Variants in PNPLA3 observed in about 807,000 individuals in gnomAD.
The protein encoded by PNPLA3 is 1-acylglycerol-3-phosphate O-acyltransferase PNPLA3.
In PNPLA3, 42 loss-of-function variants were observed where a neutral mutation model predicts 43.1. The observed-to-expected ratio is 0.97, with a 90% CI of 0.76 to 1.26. The LOEUF (loss-of-function observed/expected upper bound fraction) is 1.26, where lower values mean the gene tolerates loss of function less well. Among genes scored for constraint, PNPLA3 ranks in the 50% most tolerant of loss-of-function variants. The probability of loss-of-function intolerance (pLI) is 0.00; values close to 1 mark genes in which losing one functional copy is unlikely to be tolerated. For synonymous variants in PNPLA3, 272 were observed against 253.6 expected, an observed-to-expected ratio of 1.07 and a Z score of -0.69; for missense variants, 647 against 621.4, an observed-to-expected ratio of 1.04 and a Z score of -0.44.
chr22:43,944,784 C>T lies in PNPLA3; in HGVS notation c.1206C>T (p.Leu402=), dbSNP rs754844289. The part of the protein sequence containing the change: ...QVFTRVLMCL[L]PASRSQMPVS... ...TCACTCGAGTGCTGATGTGTCTGCT[C>T]CCCGCCTCCAGGTAAATACTTTGGC... Residue 402 remains leucine, a synonymous_variant, in exon 8 of 9, where the codon CTC becomes CTT. Transcript: ENST00000216180. 1.4e-5 allele frequency: 23 copies of T among 1,613,996 alleles called. No individual in the cohort carries two copies. Among genetic ancestry groups the T allele is most frequent in the East Asian group, 1.1e-4 (5 of 44,898 alleles).
intron 6 of PNPLA3, among the ~76,000 whole-genome samples, chr22:43,938,902 C>T (rs905469057): frequency 9.2e-5 from 14 of 152,132 alleles, no homozygotes; most frequent in Non-Finnish European, 1.6e-4. Flanking sequence ...GATGCTGTGA[C>T]GTTTGATGTA....
chr22:43,930,116 G>C lies in PNPLA3; in HGVS notation c.486+1227G>C, dbSNP rs12483959. On this transcript the variant is annotated intron_variant, in intron 3 of 8. Coordinates refer to ENST00000216180, the MANE Select transcript of PNPLA3 (RefSeq NM_025225.3). ...GCAGAGCCACGTGGCAGAGGGACTC[G>C]CATTAGGAGCCTCCCATTACAGACT... 2.0e-5 allele frequency among the ~76,000 whole-genome samples: 3 copies of C among 152,016 alleles called. No homozygotes were observed. The East Asian group carries it at 5.8e-4, about 29-fold the overall frequency.
chr22:43,943,297 G>T (rs1023044758), intron 7 of PNPLA3, among the ~76,000 whole-genome samples: 1 of 151,786 alleles, frequency 6.6e-6, no homozygotes, highest in Non-Finnish European at 1.5e-5. Context: ...TTCTTGGTGG[G>T]TTTTTTCCCA....
At chr22:43,937,879 G>T (rs2050006149) in intron 6 of PNPLA3, among the ~76,000 whole-genome samples, 1 of 152,158 alleles carries the variant, frequency 6.6e-6, no homozygotes, top group Non-Finnish European at 1.5e-5. Context: ...GTACCCCCCA[G>T]AATTTGTCTT....
Position 43,926,920 on chromosome 22 carries a change from G to T in PNPLA3, c.188-15G>T, listed in dbSNP as rs762239989. The T allele has an allele frequency of 6.2e-7, 1 of 1,609,574 alleles. No homozygotes were observed. Among genetic ancestry groups the T allele is most frequent in the Non-Finnish European group, 8.5e-7 (1 of 1,176,036 alleles). On this transcript the variant is annotated splice_polypyrimidine_tract_variant and intron_variant, in intron 1 of 8. Transcript: ENST00000216180. ...GTGTGGTACATTCTTTCATGTATTT[G>T]TCTCCTGTCCCCAGAGCAGACTCTG...
At position 43,923,950 on chromosome 22, in the gene PNPLA3, G is replaced by C. The variant is rs776533374; in HGVS notation, c.39G>C (p.Ala13=). ...AGCGCGGCTGGAGCTTGTCCTTCGC[G>C]GGCTGCGGCTTCCTGGGCTTCTACC... ...DAERGWSLSF[A]GCGFLGFYHV... Residue 13 remains alanine (A), a synonymous_variant, in exon 1 of 9, where the codon GCG becomes GCC. Coordinates refer to ENST00000216180, the MANE Select transcript of PNPLA3 (RefSeq NM_025225.3). 3.2e-6 allele frequency: 5 copies of C among 1,581,332 alleles called. No homozygotes were observed. The highest frequency in any genetic ancestry group is 1.1e-5 in the South Asian group (1 of 88,602).
intron 4 of PNPLA3, among the ~76,000 whole-genome samples, chr22:43,934,316 T>TAAAAA (rs3083286): frequency 5.1e-5 from 6 of 118,062 alleles, no homozygotes; most frequent in Non-Finnish European, 6.8e-5. Flanking sequence ...GACTCTGCCT[T>TAAAAA]AAAAAAAAAA....
chr22:43,924,278 G>A (rs866005758), intron 1 of PNPLA3, 180 bp downstream of exon 1: 1 of 753,646 alleles, frequency 1.3e-6, no homozygotes, highest in Admixed American at 4.2e-5. Flanking sequence ...GCTGTTCCTG[G>A]GCCCGGGAAG....
rs777316809 is a variant in PNPLA3, at chr22:43,939,984, C to G, written c.980-9C>G. 6.2e-7 allele frequency: 1 copy of G among 1,613,954 alleles called. No individual in the cohort carries two copies. Among genetic ancestry groups the G allele is most frequent in the Admixed American group, 1.7e-5 (1 of 60,004 alleles). On this transcript the variant is annotated splice_polypyrimidine_tract_variant and intron_variant, in intron 6 of 8. Coordinates refer to ENST00000216180, the MANE Select transcript of PNPLA3 (RefSeq NM_025225.3). ...GTGGGAGATAATAGCTCCAAATTGT[C>G]TTTTTCAGCACTGAGTGAAGAAATG...
At position 43,946,777 on chromosome 22, in the gene PNPLA3, G is replaced by A. The variant is rs764431110; in HGVS notation, c.*395G>A. 1 of 524,142 alleles carries A rather than the reference G, an allele frequency of 1.9e-6. No individual in the cohort carries two copies. The highest frequency in any genetic ancestry group is 3.8e-6 in the Non-Finnish European group (1 of 264,002). 32.5% of individuals were successfully genotyped at this position (524,142 alleles called of 1,614,324 possible). ...CCCATGTGTGATCTTGTGGGGTGGA[G>A]GGAAGAGAATAGCATGATCCCACTT... On this transcript the variant is annotated 3_prime_UTR_variant, in exon 9 of 9. Transcript: ENST00000216180.
intron 6 of PNPLA3, 29 bp from the exon 7 acceptor site, chr22:43,939,964 A>C: frequency 6.2e-7 from 1 of 1,612,888 alleles, no homozygotes; most frequent in South Asian, 1.1e-5. Context: ...CAGTGGTGGG[A>C]GATAATAGCT....
At chr22:43,937,367 G>A in intron 6 of PNPLA3, 95 bp downstream of exon 6, 5 of 1,166,172 alleles carry the variant, frequency 4.3e-6, no homozygotes, top group African/African-American at 3.0e-5. Flanking sequence ...GCGATAGGGT[G>A]AGGCAACCAT....
intron 3 of PNPLA3, among the ~76,000 whole-genome samples, chr22:43,929,167 A>G (rs1229127654): frequency 6.6e-6 from 1 of 152,166 alleles, no homozygotes; most frequent in Non-Finnish European, 1.5e-5. Flanking sequence ...ATAGCTTCTC[A>G]GTGATCTAGT....
chr22:43,927,256 T>C, intron 2 of PNPLA3, 89 bp downstream of exon 2: 2 of 1,244,932 alleles, frequency 1.6e-6, no homozygotes, highest in Non-Finnish European at 2.3e-6. Context: ...CCCGGCACTT[T>C]GGGAGGCCGA....
chr22:43,939,835 G>A (rs143569687), intron 6 of PNPLA3, among the ~76,000 whole-genome samples, 158 bp from the exon 7 acceptor site: 212 of 152,198 alleles, frequency 1.4e-3, no homozygotes, highest in African/African-American at 4.8e-3. Flanking sequence ...AAAGAAAGGA[G>A]CAGCTTGGCA....
intron 3 of PNPLA3, among the ~76,000 whole-genome samples, chr22:43,929,465 G>A (rs568312510): frequency 7.4e-4 from 105 of 141,946 alleles, no homozygotes; most frequent in Non-Finnish European, 1.0e-3. Flanking sequence ...GACAGAGCGA[G>A]ACTCTATCTC....
intron 3 of PNPLA3, among the ~76,000 whole-genome samples, chr22:43,931,052 G>A (rs892300368): frequency 9.9e-5 from 15 of 151,708 alleles, no homozygotes; most frequent in Admixed American, 2.6e-4. Flanking sequence ...GTGTGAACCC[G>A]GGGGGCGGAG....
intron 1 of PNPLA3, 200 bp downstream of exon 1, chr22:43,924,298 G>A (rs1193697446): frequency 1.7e-5 from 11 of 654,044 alleles, no homozygotes; most frequent in Non-Finnish European, 2.4e-5. Context: ...GGGGGCGTTG[G>A]AACCCCGAGC....
chr22:43,933,624 C>T (rs1402639733), intron 4 of PNPLA3, among the ~76,000 whole-genome samples: 1 of 152,128 alleles, frequency 6.6e-6, no homozygotes, highest in Non-Finnish European at 1.5e-5. Context: ...TCCTCCCACC[C>T]CAGCCTCCCA....
Sources: allele counts gnomAD v4.1 joint callset (sites outside exome capture counted in the v4.1 genomes callset), GRCh38; gene constraint gnomAD v4.1.1; transcripts MANE v1.5; gene names NCBI Gene and HGNC (gene_info 2026-07-23, HGNC 2026-07-21).